The following UNC13C variants were observed in gnomAD, a reference collection of about 807,000 sequenced individuals.
The protein encoded by UNC13C is unc-13 homolog C.
UNC13C carries 174 observed loss-of-function variants against 245.4 expected under a neutral mutation model. That is an observed-to-expected ratio of 0.71 (90% CI 0.63 to 0.80). UNC13C has a LOEUF of 0.80. UNC13C is among the 30% of genes least tolerant of loss of function. UNC13C has a pLI of 0.00. For synonymous variants in UNC13C, 992 were observed against 895.1 expected, an observed-to-expected ratio of 1.11 and a Z score of -1.93; for missense variants, 2,829 against 2,602.9, an observed-to-expected ratio of 1.09 and a Z score of -1.89.
intron 2 of UNC13C, among the ~76,000 whole-genome samples, chr15:54,033,177 G>T (rs1896434312): frequency 6.6e-6 from 1 of 151,998 alleles, no homozygotes; most frequent in Non-Finnish European, 1.5e-5. Context: ...TGGCATAGAT[G>T]TAATTAATAA....
intron 17 of UNC13C, among the ~76,000 whole-genome samples, chr15:54,367,789 T>C (rs2039398206): frequency 6.6e-6 from 1 of 152,114 alleles, no homozygotes. Context: ...ATGGTAGATA[T>C]ATTTTATATT....
the UNC13C span, among the ~76,000 whole-genome samples, chr15:53,851,417 C>A: frequency 6.6e-6 from 1 of 152,154 alleles, no homozygotes; most frequent in Non-Finnish European, 1.5e-5. Context: ...TGCCTAGCCC[C>A]TTATGCAGTT....
At chr15:54,221,318 A>T (rs916158316) in intron 4 of UNC13C, among the ~76,000 whole-genome samples, 1 of 152,032 alleles carries the variant, frequency 6.6e-6, no homozygotes, top group African/African-American at 2.4e-5. Flanking sequence ...AATCGTTAGG[A>T]TAAATTGTAT....
intron 15 of UNC13C, 23 bp downstream of exon 15, chr15:54,332,134 A>G (rs374311610): frequency 2.0e-6 from 3 of 1,474,576 alleles, no homozygotes; most frequent in African/African-American, 1.4e-5. Flanking sequence ...TTACTTGCCT[A>G]AAAGAAAACT....
At chr15:53,981,111 G>T (rs1893909184) in intron 1 of UNC13C, among the ~76,000 whole-genome samples, 2 of 152,010 alleles carry the variant, frequency 1.3e-5, no homozygotes, top group African/African-American at 2.4e-5. Flanking sequence ...AGACACTTTT[G>T]GTATGATAAT....
chr15:54,294,384 C>G (rs1283519321), intron 11 of UNC13C, among the ~76,000 whole-genome samples: 1 of 151,970 alleles, frequency 6.6e-6, no homozygotes, highest in Non-Finnish European at 1.5e-5. Flanking sequence ...ACATGCGAAA[C>G]AAATAACCTA....
At chr15:54,010,810 C>A (rs1436059851) in intron 1 of UNC13C, among the ~76,000 whole-genome samples, 1 of 151,960 alleles carries the variant, frequency 6.6e-6, no homozygotes, top group Non-Finnish European at 1.5e-5. Flanking sequence ...CAGGTATGAA[C>A]ATGGGATGGA....
chr15:54,415,929 A>G (rs137891152), intron 19 of UNC13C, among the ~76,000 whole-genome samples: 42 of 152,326 alleles, frequency 2.8e-4, no homozygotes, highest in Non-Finnish European at 5.7e-4. Context: ...TCCTCTAAGA[A>G]AATGTAACTT....
chr15:54,011,693 C>T (rs1895386984), intron 1 of UNC13C, among the ~76,000 whole-genome samples: 1 of 152,038 alleles, frequency 6.6e-6, no homozygotes, highest in Non-Finnish European at 1.5e-5. Context: ...TATTTGAAAC[C>T]CAGAAAGACT....
rs545444060 is a variant in UNC13C, at chr15:54,493,307, C to T, written c.4934-1301C>T. Among the ~76,000 whole-genome samples the T allele has an allele frequency of 3.3e-5, 5 of 152,176 alleles. No individual in the cohort carries two copies. In the South Asian group the frequency reaches 8.3e-4, roughly 25 times the overall value. ...ACTAAAATCTTGTTTGGGAGTTTGG[C>T]CTAGAAGTATTAGTTTATTACTCTT... On this transcript the variant is annotated intron_variant, in intron 19 of 32. Coordinates refer to ENST00000260323, the MANE Select transcript of UNC13C (RefSeq NM_001080534.3).
At chr15:53,851,022 A>T in the UNC13C span, among the ~76,000 whole-genome samples, 2 of 151,634 alleles carry the variant, frequency 1.3e-5, no homozygotes, top group Non-Finnish European at 2.9e-5. Context: ...TATTTCTTGG[A>T]GTTCTAGTAT....
intron 10 of UNC13C, among the ~76,000 whole-genome samples, chr15:54,272,014 G>A (rs928005968): frequency 1.3e-5 from 2 of 152,128 alleles, no homozygotes; most frequent in African/African-American, 4.8e-5. Flanking sequence ...AAGCTCTCTG[G>A]CCAACAAGAT....
intron 17 of UNC13C, among the ~76,000 whole-genome samples, chr15:54,343,826 T>C (rs930132965): frequency 2.6e-5 from 4 of 152,276 alleles, no homozygotes; most frequent in Admixed American, 2.0e-4. Flanking sequence ...TGGGAATTTA[T>C]AGCCAAGGAG....
intron 18 of UNC13C, among the ~76,000 whole-genome samples, chr15:54,394,268 G>A (rs1024257675): frequency 6.6e-6 from 1 of 151,696 alleles, no homozygotes; most frequent in Non-Finnish European, 1.5e-5. Flanking sequence ...GGAGAGAGTG[G>A]TCCTATTTTT....
chr15:54,151,837 T>G (rs545228346), intron 4 of UNC13C, among the ~76,000 whole-genome samples: 2 of 140,378 alleles, frequency 1.4e-5, no homozygotes, highest in African/African-American at 5.3e-5. Flanking sequence ...CGTTCCATAA[T>G]GGATCTACAC....
chr15:54,499,878 G>A (rs183989128), intron 20 of UNC13C, among the ~76,000 whole-genome samples: 16 of 152,206 alleles, frequency 1.1e-4, no homozygotes, highest in African/African-American at 3.4e-4. Context: ...GAACCAAGAC[G>A]GGGGTAGAGG....
chr15:54,182,345 T>G (rs1034906186), intron 4 of UNC13C, among the ~76,000 whole-genome samples: 2 of 152,138 alleles, frequency 1.3e-5, no homozygotes, highest in African/African-American at 2.4e-5. Flanking sequence ...TTTATCGATA[T>G]GTGTATGTTG....
chr15:54,227,294 A>T (rs2035414390), intron 4 of UNC13C, among the ~76,000 whole-genome samples: 1 of 151,734 alleles, frequency 6.6e-6, no homozygotes, highest in Non-Finnish European at 1.5e-5. Flanking sequence ...ATAAGTTCTC[A>T]CTCCTGGCTG....
chr15:53,862,920 A>C, the UNC13C span, among the ~76,000 whole-genome samples: 453 of 152,234 alleles, frequency 3.0e-3, 2 homozygotes, highest in African/African-American at 0.01. Flanking sequence ...TTGCATGTAA[A>C]ATACATTCAT....
Sources: allele counts gnomAD v4.1 joint callset (sites outside exome capture counted in the v4.1 genomes callset), GRCh38; gene constraint gnomAD v4.1.1; transcripts MANE v1.5; gene names NCBI Gene and HGNC (gene_info 2026-07-23, HGNC 2026-07-21).